SORCS1: variants seen among roughly 807,000 people sequenced by gnomAD.
The protein encoded by SORCS1 is sortilin related VPS10 domain containing receptor 1, also known as VPS10 domain-containing receptor SorCS1.
In SORCS1, 60 loss-of-function variants were observed where a neutral mutation model predicts 146.1. The ratio of observed to expected loss-of-function variants is 0.41; its 90% CI spans 0.33 to 0.51. The LOEUF is 0.51. Ranked by LOEUF, SORCS1 falls within the 20% of genes least tolerant of loss-of-function variation. SORCS1 has a pLI of 0.21. For missense variants in SORCS1, 1,352 were observed against 1,487.6 expected, an observed-to-expected ratio of 0.91 and a Z score of 1.50; for synonymous variants, 637 against 584.0, an observed-to-expected ratio of 1.09 and a Z score of -1.31.
chr10:106,853,452 G>A (rs1287041177), intron 2 of SORCS1, among the ~76,000 whole-genome samples: 1 of 149,276 alleles, frequency 6.7e-6, no homozygotes, highest in Admixed American at 6.7e-5. Flanking sequence ...TCTATTTTCA[G>A]TCTTGTTGAT....
intron 3 of SORCS1, among the ~76,000 whole-genome samples, chr10:106,786,773 T>G (rs1946073343): frequency 6.6e-6 from 1 of 152,146 alleles, no homozygotes; most frequent in East Asian, 1.9e-4. Flanking sequence ...AAAATAGATA[T>G]GATAAAAAGT....
chr10:106,702,757 G>T (rs1043068330), intron 8 of SORCS1, among the ~76,000 whole-genome samples: 1 of 151,590 alleles, frequency 6.6e-6, no homozygotes, highest in Non-Finnish European at 1.5e-5. Flanking sequence ...TGTTTCTATT[G>T]GGAGAAATGC....
intron 2 of SORCS1, among the ~76,000 whole-genome samples, chr10:106,843,008 C>A (rs1236579456): frequency 6.6e-6 from 1 of 152,068 alleles, no homozygotes; most frequent in African/African-American, 2.4e-5. Context: ...TTAAGGTATA[C>A]AATATAATGT....
intron 1 of SORCS1, among the ~76,000 whole-genome samples, chr10:107,114,282 G>A (rs1323324013): frequency 6.6e-6 from 1 of 152,110 alleles, no homozygotes; most frequent in Non-Finnish European, 1.5e-5. Flanking sequence ...TATGAGGCCA[G>A]CATAACCTTC....
chr10:107,089,943 C>G (rs1590111662), intron 1 of SORCS1, among the ~76,000 whole-genome samples: 1 of 152,210 alleles, frequency 6.6e-6, no homozygotes, highest in Non-Finnish European at 1.5e-5. Context: ...GGCTGCGGCT[C>G]TTTTCAGACT....
chr10:106,639,007 C>A (rs893848225), intron 18 of SORCS1, among the ~76,000 whole-genome samples: 3 of 152,108 alleles, frequency 2.0e-5, no homozygotes, highest in African/African-American at 7.2e-5. Flanking sequence ...ATTCTAACGT[C>A]AATTTGAGCT....
intron 2 of SORCS1, among the ~76,000 whole-genome samples, chr10:106,896,483 G>A (rs1951483484): frequency 1.3e-5 from 2 of 150,752 alleles, no homozygotes; most frequent in Non-Finnish European, 1.5e-5. Context: ...CTAGGGATTA[G>A]GGGTAGGGGA....
rs58567205 is a variant in SORCS1 at position 106,948,653 on chromosome 10, TA to T, written c.626+7859del. On this transcript the variant is annotated intron_variant, in intron 2 of 25. Transcript: ENST00000263054. ...AGTGACAGAGCAAGACCCTGTTTCT[TA>T]AAAAAAAAAAAAAATTAACTGTAGG... Among the ~76,000 whole-genome samples, 519 of 140,392 alleles carry T rather than the reference TA, an allele frequency of 3.7e-3. 1 individual carries two copies. The highest frequency in any genetic ancestry group is 5.5e-3 in the African/African-American group (212 of 38,528). 92.1% of individuals were successfully genotyped at this position (140,392 alleles called of 152,430 possible). A position where few individuals can be genotyped will look rare whatever the true frequency, so the allele number is the denominator to read the frequency against.
chr10:106,771,926 T>C (rs1398993518), intron 4 of SORCS1, among the ~76,000 whole-genome samples: 2 of 152,166 alleles, frequency 1.3e-5, no homozygotes, highest in East Asian at 3.9e-4. Context: ...GCTCCACACA[T>C]TTTCCTTTCA....
At chr10:106,797,571 C>T (rs1049029736) in intron 3 of SORCS1, among the ~76,000 whole-genome samples, 2 of 151,274 alleles carry the variant, frequency 1.3e-5, no homozygotes, top group African/African-American at 2.4e-5. Flanking sequence ...GTAGAAACAA[C>T]CAACCAGGTG....
At chr10:107,044,959 G>C (rs573727516) in intron 1 of SORCS1, among the ~76,000 whole-genome samples, 1 of 152,108 alleles carries the variant, frequency 6.6e-6, no homozygotes, top group Non-Finnish European at 1.5e-5. Context: ...TTGACATAAG[G>C]CTTTAGGAAT....
chr10:106,731,303 A>G (rs1856581691), intron 5 of SORCS1, among the ~76,000 whole-genome samples: 3 of 150,064 alleles, frequency 2.0e-5, no homozygotes, highest in Non-Finnish European at 4.5e-5. Context: ...AAAAAAAAAA[A>G]AAAAAAAAAA....
chr10:106,627,005 A>G (rs574427368), intron 19 of SORCS1, among the ~76,000 whole-genome samples: 6 of 152,342 alleles, frequency 3.9e-5, no homozygotes, highest in Admixed American at 3.3e-4. Context: ...CCAATCAACT[A>G]GGCTAATGAA....
At chr10:107,031,239 TTC>T (rs1291791083) in intron 1 of SORCS1, among the ~76,000 whole-genome samples, 3 of 152,250 alleles carry the variant, frequency 2.0e-5, no homozygotes, top group African/African-American at 7.2e-5. Flanking sequence ...CAATAGTTTC[TTC>T]TTTCATTTAT....
At chr10:106,646,780 G>C (rs1420204438) in intron 18 of SORCS1, among the ~76,000 whole-genome samples, 1 of 151,844 alleles carries the variant, frequency 6.6e-6, no homozygotes, top group Non-Finnish European at 1.5e-5. Flanking sequence ...TATTATGTGA[G>C]ATAAAGATTC....
chr10:107,038,196 C>T (rs181462657), intron 1 of SORCS1, among the ~76,000 whole-genome samples: 3 of 152,204 alleles, frequency 2.0e-5, no homozygotes, highest in East Asian at 3.9e-4. Flanking sequence ...AGAGGAAAAA[C>T]GGAGATTCAT....
chr10:106,747,299 T>C (rs916686121), intron 5 of SORCS1, among the ~76,000 whole-genome samples: 2 of 152,202 alleles, frequency 1.3e-5, no homozygotes, highest in Admixed American at 6.5e-5. Flanking sequence ...CTAGTTATTC[T>C]CTTTAGAGGA....
rs777613321 is a variant in SORCS1 at position 106,629,191 on chromosome 10, T to G, written c.2662+11A>C. The G allele has an allele frequency of 6.2e-7, 1 of 1,607,408 alleles. No homozygotes were observed. On this transcript the variant is annotated intron_variant, in intron 19 of 25. Coordinates refer to ENST00000263054, the MANE Select transcript of SORCS1 (RefSeq NM_052918.5). The stretch of plus-strand genomic sequence containing the variant: ...AAGATAGGTCATAAACCAACAACAG[T>G]AATAACATACAAGTTACATGTAAGT...
chr10:107,076,511 A>AC (rs1194162410), intron 1 of SORCS1, among the ~76,000 whole-genome samples: 2 of 152,176 alleles, frequency 1.3e-5, no homozygotes, highest in Admixed American at 6.5e-5. Flanking sequence ...ACTACAACAC[A>AC]CAATGTTTAA....
Sources: gnomAD v4.1 joint callset for allele counts (sites outside exome capture counted in the v4.1 genomes callset) on GRCh38, gnomAD v4.1.1 for gene constraint, MANE v1.5 for transcripts, NCBI Gene and HGNC (gene_info 2026-07-23, HGNC 2026-07-21) for gene names.